Variants in LRMDA observed in about 807,000 individuals in gnomAD.
The protein encoded by LRMDA is leucine rich melanocyte differentiation associated.
In LRMDA, 18 loss-of-function variants were observed where a neutral mutation model predicts 29.8. That is an observed-to-expected ratio of 0.60 (90% CI 0.42 to 0.90). The LOEUF (loss-of-function observed/expected upper bound fraction) is 0.90, where lower values mean the gene tolerates loss of function less well. LRMDA is among the 40% of genes least tolerant of loss of function. The pLI, the probability that LRMDA is intolerant of heterozygous loss-of-function variation, is 0.00. For synonymous variants in LRMDA, 125 were observed against 109.4 expected (o/e 1.14, Z -0.89); for missense variants, 273 against 273.9 (o/e 1.00, Z 0.02).
intron 6 of LRMDA, among the ~76,000 whole-genome samples, chr10:76,502,191 T>G (rs1842917241): frequency 6.6e-6 from 1 of 151,804 alleles, no homozygotes; most frequent in African/African-American, 2.4e-5. Context: ...TTTATTTCTG[T>G]GTTTTCTTTT....
At chr10:75,893,400 C>T (rs1845527999) in intron 2 of LRMDA, among the ~76,000 whole-genome samples, 1 of 152,182 alleles carries the variant, frequency 6.6e-6, no homozygotes, top group Non-Finnish European at 1.5e-5. Context: ...TATTTATAAA[C>T]AGGTTAGACG....
chr10:76,007,556 GT>G (rs1293290765), intron 2 of LRMDA, among the ~76,000 whole-genome samples: 13 of 152,154 alleles, frequency 8.5e-5, no homozygotes, highest in Non-Finnish European at 2.9e-5. Flanking sequence ...ACCTGCCCTG[GT>G]GTCCCCACCA....
At chr10:75,482,951 CT>C (rs1284738159) in intron 2 of LRMDA, among the ~76,000 whole-genome samples, 54 of 145,338 alleles carry the variant, frequency 3.7e-4, no homozygotes, top group Middle Eastern at 3.5e-3. Context: ...TCCTTTCCTT[CT>C]TTTTTTTTTT....
chr10:75,525,471 C>T (rs1360301253), intron 2 of LRMDA, among the ~76,000 whole-genome samples: 1 of 152,044 alleles, frequency 6.6e-6, no homozygotes, highest in Non-Finnish European at 1.5e-5. Context: ...AGGATTAAGT[C>T]CAGTATGTAG....
chr10:75,576,026 A>C (rs1489258216), intron 2 of LRMDA, among the ~76,000 whole-genome samples: 2 of 146,250 alleles, frequency 1.4e-5, no homozygotes, highest in Non-Finnish European at 3.0e-5. Context: ...AGAACCATTC[A>C]CTCCCCTGAA....
At chr10:76,442,787 ATTTG>A (rs978324443) in intron 6 of LRMDA, among the ~76,000 whole-genome samples, 1 of 152,154 alleles carries the variant, frequency 6.6e-6, no homozygotes, top group African/African-American at 2.4e-5. Flanking sequence ...GCATAGAAAT[ATTTG>A]TTTGCTGAGC....
In LRMDA at chr10:75,815,405, C is replaced by T. The variant is rs571852138; in HGVS notation, c.132-220603C>T. 4.6e-5 allele frequency among the ~76,000 whole-genome samples: 7 copies of T among 152,216 alleles called. No homozygotes were observed. The South Asian group carries it at 1.5e-3, about 32-fold the overall frequency. Reference sequence around the variant, plus strand: ...TGTGGTGGATGTGATTAGTACTCACCAATATTTCCAGTTCCCCTCTCCTTT... The same window carrying T: ...TGTGGTGGATGTGATTAGTACTCACTAATATTTCCAGTTCCCCTCTCCTTT... On this transcript the variant is annotated intron_variant, in intron 2 of 6. Coordinates refer to ENST00000611255, the MANE Select transcript of LRMDA (RefSeq NM_001305581.2).
At chr10:75,751,819 G>C (rs1202970279) in intron 2 of LRMDA, among the ~76,000 whole-genome samples, 1 of 152,148 alleles carries the variant, frequency 6.6e-6, no homozygotes, top group Non-Finnish European at 1.5e-5. Context: ...CAGAGAGGTA[G>C]TACCTTAGTG....
At chr10:75,749,363 G>A (rs1450317588) in intron 2 of LRMDA, among the ~76,000 whole-genome samples, 2 of 152,054 alleles carry the variant, frequency 1.3e-5, no homozygotes, top group African/African-American at 4.8e-5. Flanking sequence ...TTTGGCTGTG[G>A]AGGGTTGGTG....
At chr10:76,436,680 C>T (rs1272741573) in intron 6 of LRMDA, among the ~76,000 whole-genome samples, 2 of 152,224 alleles carry the variant, frequency 1.3e-5, no homozygotes, top group Non-Finnish European at 2.9e-5. Context: ...CAGATGCTCA[C>T]AGGTTCCAGG....
At chr10:76,243,907 G>A (rs565291864) in intron 5 of LRMDA, among the ~76,000 whole-genome samples, 25 of 152,280 alleles carry the variant, frequency 1.6e-4, no homozygotes, top group Admixed American at 1.1e-3. Flanking sequence ...AGGATCTCAA[G>A]AAAAGATCAT....
intron 5 of LRMDA, among the ~76,000 whole-genome samples, chr10:76,254,048 T>C (rs1852535724): frequency 6.6e-6 from 1 of 152,166 alleles, no homozygotes; most frequent in African/African-American, 2.4e-5. Context: ...AGTAGACTTA[T>C]TTTCTTCCTT....
intron 2 of LRMDA, among the ~76,000 whole-genome samples, chr10:75,481,923 T>C (rs1169604098): frequency 6.6e-6 from 1 of 152,216 alleles, no homozygotes; most frequent in African/African-American, 2.4e-5. Context: ...TACTTGTCTT[T>C]CAGATTTCAG....
At chr10:75,670,124 T>A (rs1180399946) in intron 2 of LRMDA, among the ~76,000 whole-genome samples, 1 of 152,252 alleles carries the variant, frequency 6.6e-6, no homozygotes, top group African/African-American at 2.4e-5. Context: ...TGCGTCTTTA[T>A]AAAGCCTTGT....
At chr10:75,655,857 CGT>C (rs1255662194) in intron 2 of LRMDA, among the ~76,000 whole-genome samples, 6 of 152,122 alleles carry the variant, frequency 3.9e-5, no homozygotes, top group East Asian at 1.9e-4. Context: ...TTGGTTCAAA[CGT>C]GTGTGGAGCC....
rs562279103 is a variant in LRMDA, at chr10:76,320,944, T to C, written c.517-3457T>C. ...ATTTCCATAAATATTATATTACATT[T>C]ATCATTTTGCAACTTGCATTTTCAC... On this transcript the variant is annotated intron_variant, in intron 5 of 6. Coordinates refer to ENST00000611255, the MANE Select transcript of LRMDA (RefSeq NM_001305581.2). 2.6e-5 allele frequency among the ~76,000 whole-genome samples: 4 copies of C among 152,346 alleles called. No homozygotes were observed. In the East Asian group the frequency reaches 5.8e-4, roughly 22 times the overall value.
intron 6 of LRMDA, among the ~76,000 whole-genome samples, chr10:76,369,258 A>G (rs1283323046): frequency 2.0e-5 from 3 of 151,992 alleles, no homozygotes; most frequent in Non-Finnish European, 4.4e-5. Flanking sequence ...TGCTTCCAGG[A>G]TTTGGTTCAA....
chr10:76,058,821 C>T (rs1438728044), intron 5 of LRMDA, 38 bp downstream of exon 5: 2 of 1,493,782 alleles, frequency 1.3e-6, no homozygotes, highest in Non-Finnish European at 1.9e-6. Flanking sequence ...AAGGGATTTA[C>T]ATCTCATGGC....
chr10:75,731,479 C>T (rs977669857), intron 2 of LRMDA, among the ~76,000 whole-genome samples: 3 of 152,170 alleles, frequency 2.0e-5, no homozygotes, highest in Non-Finnish European at 4.4e-5. Flanking sequence ...TCACTATATG[C>T]CCAGTGCTTA....
Sources: gnomAD v4.1 joint callset for allele counts (sites outside exome capture counted in the v4.1 genomes callset) on GRCh38, gnomAD v4.1.1 for gene constraint, MANE v1.5 for transcripts, NCBI Gene and HGNC (gene_info 2026-07-23, HGNC 2026-07-21) for gene names.